The following MUC13 variants were observed in gnomAD, a reference collection of about 807,000 sequenced individuals.
The protein encoded by MUC13 is mucin 13, cell surface associated.
Under a neutral mutation model 48.3 loss-of-function variants are expected in MUC13, and 32 were observed. That is an observed-to-expected ratio of 0.66 (90% confidence interval 0.50 to 0.89). The LOEUF is 0.89. MUC13 is among the 40% of genes least tolerant of loss of function. The probability of loss-of-function intolerance (pLI) is 0.00; values close to 1 mark genes in which losing one functional copy is unlikely to be tolerated. For synonymous variants in MUC13, 199 were observed against 224.9 expected, an observed-to-expected ratio of 0.88 and a Z score of 1.03; for missense variants, 571 against 622.8, an observed-to-expected ratio of 0.92 and a Z score of 0.88.
At chr3:124,921,048 A>G (rs776404610) in intron 4 of MUC13, among the ~76,000 whole-genome samples, 3 of 152,162 alleles carry the variant, frequency 2.0e-5, no homozygotes, top group Non-Finnish European at 4.4e-5. Context: ...TCCACGATAC[A>G]TTTTTTACAT....
rs529182401 is a variant in MUC13 at position 124,914,623 on chromosome 3, G to A, written c.965-942C>T. Among the ~76,000 whole-genome samples the A allele has an allele frequency of 1.1e-4, 16 of 152,140 alleles. No homozygotes were observed. In the South Asian group the frequency reaches 2.7e-3, roughly 26 times the overall value. ...ACAATTTATCTTTGCCACTGAAGCC[G>A]GAGAACAGGAAAGTGTTTTCCGGCC... On this transcript the variant is annotated intron_variant, in intron 6 of 11. Transcript: ENST00000616727.
In MUC13 at chr3:124,913,673, G is replaced by A. The variant is rs758163036; in HGVS notation, c.973C>T (p.Arg325Trp). 4.3e-6 allele frequency: 7 copies of A among 1,614,150 alleles called. No individual in the cohort carries two copies. The highest frequency in any genetic ancestry group is 1.7e-5 in the Admixed American group (1 of 60,028). ...TGGTTACAGCCATAATAATCACACC[G>A]AAGGGTCACTGAGAAGCACAAATAG... ...SNFLNYDLTL[R>W]CDYYGCNQTA... The change falls in exon 7 of 12, where the codon CGG becomes TGG. Residue 325 changes from arginine to tryptophan, a missense_variant. Arg to Trp is a moderately radical substitution (Grantham distance 101). Transcript: ENST00000616727.
chr3:124,914,938 AC>A (rs1168993335), intron 6 of MUC13, among the ~76,000 whole-genome samples: 1 of 152,168 alleles, frequency 6.6e-6, no homozygotes, highest in Non-Finnish European at 1.5e-5. Context: ...AAATGAACAA[AC>A]AAAAAAGCAA....
At chr3:124,911,972 G>C in intron 9 of MUC13, 132 bp downstream of exon 9, 1 of 1,261,044 alleles carries the variant, frequency 7.9e-7, no homozygotes, top group Non-Finnish European at 1.1e-6. Context: ...AGGCAAACTG[G>C]AGGCAGATGG....
intron 9 of MUC13, 128 bp from the exon 10 acceptor site, chr3:124,910,627 G>A: frequency 6.3e-6 from 9 of 1,421,224 alleles, no homozygotes; most frequent in Non-Finnish European, 8.5e-6. Flanking sequence ...CAACCCTCCA[G>A]GCCAGGTTGG....
At chr3:124,919,978 G>C (rs1228981486) in intron 5 of MUC13, among the ~76,000 whole-genome samples, 1 of 152,214 alleles carries the variant, frequency 6.6e-6, no homozygotes, top group Non-Finnish European at 1.5e-5. Flanking sequence ...CCTGGACCAT[G>C]TGCACAAGTT....
rs377069278 is a variant in MUC13 at position 124,913,260 on chromosome 3, C to A, written c.1085-20G>T. 9.3e-4 allele frequency: 1,488 copies of A among 1,595,966 alleles called. 3 individuals are homozygous for A. Among genetic ancestry groups the A allele is most frequent in the Non-Finnish European group, 8.5e-4 (992 of 1,168,782 alleles). Reference sequence around the variant, plus strand: ...TGGAAGCTTCAAAACAGAATGATTTCTGGGTAATTTTCAGAAACAATCTCT... The same window carrying A: ...TGGAAGCTTCAAAACAGAATGATTTATGGGTAATTTTCAGAAACAATCTCT... On this transcript the variant is annotated intron_variant, in intron 7 of 11. Transcript: ENST00000616727.
At chr3:124,924,464 C>G (rs1056040763) in intron 2 of MUC13, among the ~76,000 whole-genome samples, 5 of 152,162 alleles carry the variant, frequency 3.3e-5, no homozygotes, top group African/African-American at 1.2e-4. Flanking sequence ...GTCAGAATAG[C>G]TTATGTGTTT....
At chr3:124,917,018 A>C (rs542229927) in intron 5 of MUC13, among the ~76,000 whole-genome samples, 1 of 152,236 alleles carries the variant, frequency 6.6e-6, no homozygotes, top group East Asian at 1.9e-4. Context: ...GGGCCTGGAC[A>C]CACACGACCC....
At chr3:124,930,197 G>A (rs531084905) in intron 1 of MUC13, among the ~76,000 whole-genome samples, 9 of 152,266 alleles carry the variant, frequency 5.9e-5, no homozygotes, top group African/African-American at 2.2e-4. Flanking sequence ...GCAGGTCTTT[G>A]GAATTATGAC....
chr3:124,912,779 T>C (rs1417635014), intron 8 of MUC13, among the ~76,000 whole-genome samples: 1 of 151,592 alleles, frequency 6.6e-6, no homozygotes, highest in Non-Finnish European at 1.5e-5. Context: ...CCACTAAAAA[T>C]ACAAAAATTA....
chr3:124,927,563 A>G lies in MUC13; in HGVS notation c.483T>C (p.Ala161=). Residue 161 remains alanine (A), a synonymous_variant, in exon 2 of 12, where the codon GCT becomes GCC. Coordinates refer to ENST00000616727, the MANE Select transcript of MUC13 (RefSeq NM_033049.4). ...TGTTTAGGGTGCTGGTCTCCAATAA[A>G]GCGGTGCCAGTGGGAGGCCCTGATG... ...NQSSGPPTGT[A]LLETSTLNST... 1.2e-6 allele frequency: 2 copies of G among 1,614,180 alleles called. No homozygotes were observed. Among genetic ancestry groups the G allele is most frequent in the Non-Finnish European group, 1.7e-6 (2 of 1,180,036 alleles).
intron 6 of MUC13, among the ~76,000 whole-genome samples, chr3:124,915,532 G>C (rs1376337669): frequency 1.3e-5 from 2 of 152,192 alleles, no homozygotes; most frequent in Non-Finnish European, 2.9e-5. Context: ...GCCTGGCCCA[G>C]ATCAGCACAC....
Position 124,913,551 on chromosome 3 carries a change from GA to G in MUC13, c.1084+10del. On this transcript the variant is annotated intron_variant, in intron 7 of 11. Transcript: ENST00000616727. ...TTATGAAGAACATTTAGAAGCAGGT[GA>G]AACACTTACCAACGCAGAAAGGGCT... is the stretch of plus-strand genomic sequence containing the variant. The G allele has an allele frequency of 6.2e-7, 1 of 1,614,162 alleles. No homozygotes were observed. The highest frequency in any genetic ancestry group is 8.5e-7 in the Non-Finnish European group (1 of 1,180,020).
Position 124,905,523 on chromosome 3 carries a change from T to A in MUC13, c.*1220A>T, listed in dbSNP as rs1346681687. The A allele has an allele frequency of 6.6e-6, 1 of 152,488 alleles. No individual in the cohort carries two copies. The highest frequency in any genetic ancestry group is 1.5e-5 in the Non-Finnish European group (1 of 68,020). 9.4% of individuals were successfully genotyped at this position (152,488 alleles called of 1,614,324 possible). On this transcript the variant is annotated 3_prime_UTR_variant, in exon 12 of 12. Transcript: ENST00000616727. ...AAATAATAATAACAAATAAAATAAC[T>A]TTTAAGAGGACAAGGCATTAGAAAT...
At chr3:124,930,009 G>T (rs762157038) in intron 1 of MUC13, among the ~76,000 whole-genome samples, 4 of 152,202 alleles carry the variant, frequency 2.6e-5, no homozygotes, top group African/African-American at 9.7e-5. Flanking sequence ...GCTGGCTCTC[G>T]CTGTGGAAAA....
intron 8 of MUC13, 61 bp from the exon 9 acceptor site, chr3:124,912,202 G>A: frequency 3.1e-6 from 5 of 1,593,766 alleles, no homozygotes; most frequent in Non-Finnish European, 4.3e-6. Context: ...GCATGTCAGA[G>A]TTCCCACCCC....
intron 5 of MUC13, among the ~76,000 whole-genome samples, chr3:124,918,470 A>T (rs1300195195): frequency 6.6e-6 from 1 of 152,214 alleles, no homozygotes; most frequent in Non-Finnish European, 1.5e-5. Flanking sequence ...TGTCCATCAC[A>T]CTGCAGGGTC....
chr3:124,928,329 A>G (rs1198981019), intron 1 of MUC13, among the ~76,000 whole-genome samples: 2 of 152,192 alleles, frequency 1.3e-5, no homozygotes, highest in African/African-American at 2.4e-5. Flanking sequence ...AATTAAACAG[A>G]CAAAACTGGA....
Sources: allele counts gnomAD v4.1 joint callset (sites outside exome capture counted in the v4.1 genomes callset), GRCh38; gene constraint gnomAD v4.1.1; transcripts MANE v1.5; gene names NCBI Gene and HGNC (gene_info 2026-07-23, HGNC 2026-07-21).